KCNIP4: variants seen among roughly 807,000 people sequenced by gnomAD.
KCNIP4 encodes the protein Kv channel-interacting protein 4.
KCNIP4 carries 12 observed loss-of-function variants against 34.0 expected under a neutral mutation model. The ratio of observed to expected loss-of-function variants is 0.35; its 90% CI spans 0.23 to 0.57. The LOEUF (loss-of-function observed/expected upper bound fraction) is 0.57. Among genes scored for constraint, KCNIP4 ranks in the 20% least tolerant of loss-of-function variants. The probability of loss-of-function intolerance (pLI) is 0.83; values close to 1 mark genes in which losing one functional copy is unlikely to be tolerated. For missense variants in KCNIP4, 238 were observed against 311.7 expected (o/e 0.76, Z 1.78); for synonymous variants, 124 against 102.2 (o/e 1.21, Z -1.29).
chr4:20,963,123 C>T (rs1417083420), intron 1 of KCNIP4, among the ~76,000 whole-genome samples: 3 of 151,920 alleles, frequency 2.0e-5, no homozygotes, highest in South Asian at 2.1e-4. Flanking sequence ...GGGTTCGAGA[C>T]CAGCCTGGCC....
chr4:20,792,669 GTCCATAATGAAGATATTT>G (rs1712925522), intron 3 of KCNIP4, among the ~76,000 whole-genome samples: 1 of 152,068 alleles, frequency 6.6e-6, no homozygotes, highest in South Asian at 2.1e-4. Context: ...CAAAAATATT[GTCCATAATGAAGATATTT>G]CTTAATAAAT....
intron 1 of KCNIP4, among the ~76,000 whole-genome samples, chr4:21,507,874 C>G (rs569034914): frequency 6.6e-6 from 1 of 152,136 alleles, no homozygotes; most frequent in East Asian, 1.9e-4. Flanking sequence ...AGTTTATGTG[C>G]AAGACCATGA....
At chr4:20,920,795 G>C (rs1729322810) in intron 1 of KCNIP4, among the ~76,000 whole-genome samples, 1 of 152,126 alleles carries the variant, frequency 6.6e-6, no homozygotes, top group East Asian at 1.9e-4. Context: ...TTCGAGACCA[G>C]CCTGGCCAAT....
intron 1 of KCNIP4, among the ~76,000 whole-genome samples, chr4:21,500,377 A>C (rs577293706): frequency 2.0e-5 from 3 of 152,022 alleles, no homozygotes; most frequent in Non-Finnish European, 2.9e-5. Context: ...GAAATTTACT[A>C]CTCATTAGCT....
chr4:21,931,541 A>T (rs1729566053), intron 1 of KCNIP4, among the ~76,000 whole-genome samples: 1 of 151,274 alleles, frequency 6.6e-6, no homozygotes. Context: ...TCCTTGGGAT[A>T]GTCTGCTGAG....
At chr4:21,525,977 CA>C (rs1420862251) in intron 1 of KCNIP4, among the ~76,000 whole-genome samples, 6 of 151,082 alleles carry the variant, frequency 4.0e-5, no homozygotes, top group African/African-American at 1.5e-4. Context: ...ATTACTAAAT[CA>C]AAAACATTAT....
chr4:21,351,522 T>C (rs1717999758), intron 1 of KCNIP4, among the ~76,000 whole-genome samples: 1 of 152,198 alleles, frequency 6.6e-6, no homozygotes, highest in African/African-American at 2.4e-5. Flanking sequence ...CTTTATAAAT[T>C]ACCCAGTCTT....
intron 1 of KCNIP4, among the ~76,000 whole-genome samples, chr4:21,039,385 A>T (rs941783389): frequency 6.6e-6 from 1 of 152,042 alleles, no homozygotes; most frequent in African/African-American, 2.4e-5. Flanking sequence ...AGAAAAAAAA[A>T]AAAAAGGAAT....
chr4:21,671,864 C>T (rs1385127705), intron 1 of KCNIP4, among the ~76,000 whole-genome samples: 2 of 152,108 alleles, frequency 1.3e-5, no homozygotes, highest in Admixed American at 1.3e-4. Flanking sequence ...AATTCCTCCC[C>T]AGCAATGCCC....
At chr4:21,158,289 C>T (rs992572678) in intron 1 of KCNIP4, among the ~76,000 whole-genome samples, 1 of 152,030 alleles carries the variant, frequency 6.6e-6, no homozygotes, top group Non-Finnish European at 1.5e-5. Context: ...AGGAAGACTT[C>T]CACAAATATT....
rs189157915 is a variant in KCNIP4 at position 21,356,935 on chromosome 4, A to G, written c.62-474226T>C. On this transcript the variant is annotated intron_variant, in intron 1 of 8. Coordinates refer to ENST00000382152, the MANE Select transcript of KCNIP4 (RefSeq NM_025221.6). ...CAAACTATACTACAAGGCTATAGTAACAAAAACAGCATGGTACTGGTACCA... is the reference window on the plus strand; with the variant it reads ...CAAACTATACTACAAGGCTATAGTAGCAAAAACAGCATGGTACTGGTACCA... Among the ~76,000 whole-genome samples, 123 of 152,372 alleles carry G rather than the reference A, an allele frequency of 8.1e-4. 1 individual carries two copies. The highest frequency in any genetic ancestry group is 3.4e-3 in the Middle Eastern group (1 of 294).
intron 2 of KCNIP4, among the ~76,000 whole-genome samples, chr4:20,864,388 CAT>C (rs902041309): frequency 2.7e-5 from 4 of 150,476 alleles, no homozygotes; most frequent in African/African-American, 4.9e-5. Context: ...TTTATATATA[CAT>C]GTTATATATA....
intron 3 of KCNIP4, among the ~76,000 whole-genome samples, chr4:20,829,920 T>A (rs550521055): frequency 2.6e-5 from 4 of 152,194 alleles, no homozygotes; most frequent in African/African-American, 9.6e-5. Context: ...ACTCTAGATT[T>A]ATATATATGC....
chr4:21,728,183 C>T (rs553298192), intron 1 of KCNIP4, among the ~76,000 whole-genome samples: 1 of 152,134 alleles, frequency 6.6e-6, no homozygotes, highest in Non-Finnish European at 1.5e-5. Context: ...ACTCATGTAT[C>T]AACACAGCCA....
intron 1 of KCNIP4, among the ~76,000 whole-genome samples, chr4:21,148,189 A>G (rs989935515): frequency 6.6e-6 from 1 of 152,128 alleles, no homozygotes; most frequent in African/African-American, 2.4e-5. Flanking sequence ...CAATGTTCAT[A>G]TTTATTGAAT....
intron 1 of KCNIP4, among the ~76,000 whole-genome samples, chr4:21,475,687 G>A (rs1730891689): frequency 6.6e-6 from 1 of 152,106 alleles, no homozygotes. Context: ...TCCTCGAAAT[G>A]CAAATTTGGC....
At chr4:20,981,726 T>C (rs1410644141) in intron 1 of KCNIP4, among the ~76,000 whole-genome samples, 1 of 152,230 alleles carries the variant, frequency 6.6e-6, no homozygotes, top group Admixed American at 6.5e-5. Context: ...TCTTCCCTCA[T>C]GTATGGTGAT....
At chr4:21,159,727 T>C (rs1239991117) in intron 1 of KCNIP4, among the ~76,000 whole-genome samples, 1 of 5,540 alleles carries the variant, frequency 1.8e-4, no homozygotes, top group Non-Finnish European at 3.6e-4. Context: ...CGAGACTATA[T>C]CCCACACCTG....
At chr4:21,241,456 G>A (rs1759805880) in intron 1 of KCNIP4, among the ~76,000 whole-genome samples, 1 of 152,166 alleles carries the variant, frequency 6.6e-6, no homozygotes, top group African/African-American at 2.4e-5. Context: ...TTAGAATCAA[G>A]TCAGAGGCTA....
Sources: gnomAD v4.1 joint callset for allele counts (sites outside exome capture counted in the v4.1 genomes callset) on GRCh38, gnomAD v4.1.1 for gene constraint, MANE v1.5 for transcripts, NCBI Gene and HGNC (gene_info 2026-07-23, HGNC 2026-07-21) for gene names.